TRIOBP: variants seen among roughly 807,000 people sequenced by gnomAD.
The protein encoded by TRIOBP is TRIO and F-actin binding protein.
TRIOBP carries 169 observed loss-of-function variants against 238.8 expected under a neutral mutation model. That is an observed-to-expected ratio of 0.71 (90% CI 0.62 to 0.80). The LOEUF (loss-of-function observed/expected upper bound fraction) is 0.80, where lower values mean the gene tolerates loss of function less well. Ranked by LOEUF, TRIOBP falls within the 30% of genes least tolerant of loss-of-function variation. The pLI, the probability that TRIOBP is intolerant of heterozygous loss-of-function variation, is 0.00. For synonymous variants in TRIOBP, 1,150 were observed against 1,274.4 expected (o/e 0.90, Z 2.08); for missense variants, 2,838 against 3,122.6 (o/e 0.91, Z 2.17).
At position 37,740,757 on chromosome 22, in the gene TRIOBP, G is replaced by C. The variant is rs1210903302; in HGVS notation, c.5185-138G>C. ...ACAAGTTAACCAGCTCGTCTCGGCA[G>C]TTCTGGGAGGAGAGAAAGATGGGAA... On this transcript the variant is annotated intron_variant, in intron 10 of 23. Transcript: ENST00000644935. 7 of 1,308,830 alleles carry C rather than the reference G, an allele frequency of 5.3e-6. No homozygotes were observed. In the East Asian group the frequency reaches 1.5e-4, roughly 28 times the overall value. 81.1% of individuals were successfully genotyped at this position (1,308,830 alleles called of 1,614,324 possible).
Position 37,713,395 on chromosome 22 carries a change from G to T in TRIOBP, c.440G>T (p.Ser147Ile). Residue 147 changes from serine (S) to isoleucine (I), a missense_variant, in exon 5 of 24, where the codon AGC becomes ATC. This residue lies in a region of TRIOBP where 535 missense variants were observed against 537.3 expected (regional missense o/e 1.00). Transcript: ENST00000644935. The part of the protein sequence containing the change: ...SPDSATPDDT[S>I]NSSSVDWDTV... ...GACTCCGCCACCCCTGATGATACCA[G>T]CAACTCGTCCTCTGTGGTGAGCCAG... 1 of 1,613,396 alleles carries T rather than the reference G, an allele frequency of 6.2e-7. No individual in the cohort carries two copies.
chr22:37,752,801 C>T (rs951756192), intron 12 of TRIOBP, among the ~76,000 whole-genome samples: 4 of 152,292 alleles, frequency 2.6e-5, no homozygotes. Flanking sequence ...GGCCATTAGT[C>T]ATCCTCTATC....
chr22:37,735,835 C>G (rs1306189131), intron 9 of TRIOBP, among the ~76,000 whole-genome samples: 2 of 152,226 alleles, frequency 1.3e-5, no homozygotes, highest in East Asian at 3.8e-4. Context: ...GCAAGATGCT[C>G]TGGCCAGGGC....
intron 12 of TRIOBP, 49 bp downstream of exon 12, chr22:37,751,877 G>C: frequency 6.2e-7 from 1 of 1,609,230 alleles, no homozygotes; most frequent in Non-Finnish European, 8.5e-7. Flanking sequence ...TGCTGCTGCT[G>C]GGCCCCTGGG....
intron 2 of TRIOBP, among the ~76,000 whole-genome samples, chr22:37,700,394 C>T (rs1922584312): frequency 6.6e-6 from 1 of 151,614 alleles, no homozygotes; most frequent in Non-Finnish European, 1.5e-5. Context: ...CCTCCCACCT[C>T]TGCCTCCCGA....
At chr22:37,756,706 G>A (rs569528108) in intron 15 of TRIOBP, among the ~76,000 whole-genome samples, 4 of 152,324 alleles carry the variant, frequency 2.6e-5, no homozygotes, top group South Asian at 2.1e-4. Flanking sequence ...ACACCCACTC[G>A]GCAGCCTATA....
intron 6 of TRIOBP, among the ~76,000 whole-genome samples, chr22:37,717,412 C>T (rs1327305274): frequency 1.3e-5 from 2 of 152,198 alleles, no homozygotes; most frequent in Admixed American, 6.5e-5. Flanking sequence ...TGCTTTTATT[C>T]TCTTGTCTGG....
chr22:37,716,049 A>G (rs988605383), intron 6 of TRIOBP, 115 bp downstream of exon 6: 166 of 1,076,528 alleles, frequency 1.5e-4, no homozygotes, highest in Non-Finnish European at 3.2e-5. Context: ...CTGAGTGTTA[A>G]TAATAGTAAC....
rs752052092 is a variant in TRIOBP, at chr22:37,771,644, C to T, written c.6850-6C>T. 43 of 1,613,050 alleles carry T rather than the reference C, an allele frequency of 2.7e-5. No homozygotes were observed. The highest frequency in any genetic ancestry group is 1.7e-4 in the Middle Eastern group (1 of 5,956). On this transcript the variant is annotated splice_region_variant and splice_polypyrimidine_tract_variant and intron_variant, in intron 21 of 23. Transcript: ENST00000644935. Reference sequence around the variant, plus strand: ...CCCTGGGTCAGTCCAGCACCTATATCCCCAGGTGCTGCTTCGCGTAAAAGA... The same window carrying T: ...CCCTGGGTCAGTCCAGCACCTATATTCCCAGGTGCTGCTTCGCGTAAAAGA...
At chr22:37,734,000 C>T (rs1038312550) in intron 8 of TRIOBP, among the ~76,000 whole-genome samples, 1 of 152,194 alleles carries the variant, frequency 6.6e-6, no homozygotes, top group Non-Finnish European at 1.5e-5. Flanking sequence ...TCAGGGAAAG[C>T]CTTGAAGCAA....
At chr22:37,714,583 C>T (rs1923422722) in intron 5 of TRIOBP, among the ~76,000 whole-genome samples, 1 of 152,034 alleles carries the variant, frequency 6.6e-6, no homozygotes, top group East Asian at 1.9e-4. Flanking sequence ...ACAGGAGAAT[C>T]GCTTGAACCC....
At chr22:37,758,861 T>C (rs1233432935) in intron 16 of TRIOBP, among the ~76,000 whole-genome samples, 1 of 152,186 alleles carries the variant, frequency 6.6e-6, no homozygotes, top group African/African-American at 2.4e-5. Flanking sequence ...GTCACCTCCA[T>C]GATGTGTAAA....
chr22:37,705,602 G>A (rs1202709259), intron 3 of TRIOBP, among the ~76,000 whole-genome samples: 1 of 151,772 alleles, frequency 6.6e-6, no homozygotes, highest in Non-Finnish European at 1.5e-5. Context: ...TTGAGATGGA[G>A]TCTCGCTCTG....
intron 11 of TRIOBP, among the ~76,000 whole-genome samples, chr22:37,746,661 G>T (rs996746019): frequency 1.3e-5 from 2 of 152,230 alleles, no homozygotes; most frequent in Non-Finnish European, 2.9e-5. Flanking sequence ...CGACCCTGAG[G>T]GGACGGAACG....
chr22:37,703,485 T>G (rs184509226), intron 3 of TRIOBP, among the ~76,000 whole-genome samples: 1 of 150,898 alleles, frequency 6.6e-6, no homozygotes. Flanking sequence ...GTCATTCCCA[T>G]TGGGGTCTGA....
At position 37,725,741 on chromosome 22, in the gene TRIOBP, C is replaced by T. The variant is rs1924109251; in HGVS notation, c.3185C>T (p.Ala1062Val). Reference sequence around the variant, plus strand: ...CACGAGCCTCCCTATATACCACCTGCTGTGTGCATTGGACACCGAGATGCC... The same window carrying T: ...CACGAGCCTCCCTATATACCACCTGTTGTGTGCATTGGACACCGAGATGCC... ...PHHEPPYIPP[A>V]VCIGHRDAPR... Residue 1062 changes from alanine to valine, a missense_variant, in exon 7 of 24, where the codon GCT becomes GTT. Transcript: ENST00000644935. 2 of 1,613,026 alleles carry T rather than the reference C, an allele frequency of 1.2e-6. No individual in the cohort carries two copies. The highest frequency in any genetic ancestry group is 1.7e-6 in the Non-Finnish European group (2 of 1,179,764).
At chr22:37,698,217 A>G (rs868369575) in intron 2 of TRIOBP, among the ~76,000 whole-genome samples, 8,581 of 127,570 alleles carry the variant, frequency 0.067, 427 homozygotes, top group African/African-American at 0.13. Flanking sequence ...AAAAAAAAAA[A>G]AGAAAGAAAG....
rs1464574719 is a variant in TRIOBP, at chr22:37,771,730, G to A, written c.6930G>A (p.Met2310Ile). ...VQCLRDELQM[M>I]QKDKRFTSGK... is the part of the protein sequence containing the mutation. Reference sequence around the variant, plus strand: ...GCCTCCGGGACGAGCTCCAGATGATGCAGAAGGTAGGTCCTTCCGCTGGGC... The same window carrying A: ...GCCTCCGGGACGAGCTCCAGATGATACAGAAGGTAGGTCCTTCCGCTGGGC... The change falls in exon 22 of 24, where the codon ATG becomes ATA. Residue 2310 changes from methionine to isoleucine, a missense_variant. By Grantham distance (10) the Met-to-Ile change is conservative. Coordinates refer to ENST00000644935, the MANE Select transcript of TRIOBP (RefSeq NM_001039141.3). The A allele has an allele frequency of 3.1e-6, 5 of 1,614,126 alleles. No homozygotes were observed. In the South Asian group the frequency reaches 5.5e-5, roughly 18 times the overall value.
In TRIOBP at chr22:37,769,130, C is replaced by G. The variant is rs372625111; in HGVS notation, c.6678C>G (p.Arg2226=). The G allele has an allele frequency of 2.5e-6, 4 of 1,613,012 alleles. No homozygotes were observed. The highest frequency in any genetic ancestry group is 1.7e-4 in the Middle Eastern group (1 of 5,952). ...IGALMRQAEE[R]EHTLRRCQQE... ...CACTCATGCGGCAGGCTGAGGAGCG[C>G]GAGCACACGCTGCGCCGCTGCCAGC... is the stretch of plus-strand genomic sequence containing the variant. Residue 2226 remains arginine, a synonymous_variant, in exon 20 of 24, where the codon CGC becomes CGG. Coordinates refer to ENST00000644935, the MANE Select transcript of TRIOBP (RefSeq NM_001039141.3).
Sources: allele counts gnomAD v4.1 joint callset (sites outside exome capture counted in the v4.1 genomes callset), GRCh38; gene constraint gnomAD v4.1.1; regional missense constraint gnomAD v4.1.1; transcripts MANE v1.5; gene names NCBI Gene and HGNC (gene_info 2026-07-23, HGNC 2026-07-21).